The following ADAMTS10 variants were observed in gnomAD, a reference collection of about 807,000 sequenced individuals.
ADAMTS10 encodes the protein A disintegrin and metalloproteinase with thrombospondin motifs 10.
In ADAMTS10, 48 loss-of-function variants were observed where a neutral mutation model predicts 135.9. The observed-to-expected ratio is 0.35, with a 90% confidence interval of 0.28 to 0.45. The LOEUF (loss-of-function observed/expected upper bound fraction) is 0.45, where lower values mean the gene tolerates loss of function less well. ADAMTS10 is among the 20% of genes least tolerant of loss of function. ADAMTS10 has a pLI of 1.00. For missense variants in ADAMTS10, 1,131 were observed against 1,565.2 expected, an observed-to-expected ratio of 0.72 and a Z score of 4.68; for synonymous variants, 621 against 647.5, an observed-to-expected ratio of 0.96 and a Z score of 0.62.
At chr19:8,593,538 C>T (rs2042568929) in intron 12 of ADAMTS10, 2 of 152,574 alleles carry the variant, frequency 1.3e-5, no homozygotes, top group Non-Finnish European at 2.9e-5. Flanking sequence ...TGGGACATGC[C>T]TCTCTTTCTC....
chr19:8,586,966 GC>G (rs1450150877), intron 18 of ADAMTS10, 70 bp from the exon 19 acceptor site: 7 of 1,508,682 alleles, frequency 4.6e-6, no homozygotes, highest in Non-Finnish European at 5.5e-6. Context: ...CCTGTCCCCG[GC>G]CCATGAGGAT....
Position 8,601,157 on chromosome 19 carries a change from A to G in ADAMTS10, c.593-12T>C. ...CCACGGTTTCTCATCTGGGGAACCCAGTAGAGCAATTAAGCCCTGCCCTGC... is the reference window on the plus strand; with the variant it reads ...CCACGGTTTCTCATCTGGGGAACCCGGTAGAGCAATTAAGCCCTGCCCTGC... On this transcript the variant is annotated splice_polypyrimidine_tract_variant and intron_variant, in intron 5 of 25. Coordinates refer to ENST00000597188, the MANE Select transcript of ADAMTS10 (RefSeq NM_030957.4). This position sits in a 1 kb window ranked among gnomAD's most constrained non-coding sequence, Gnocchi z 4.6. 6.2e-7 allele frequency: 1 copy of G among 1,612,180 alleles called. No homozygotes were observed. Among genetic ancestry groups the G allele is most frequent in the South Asian group, 1.1e-5 (1 of 91,012 alleles).
intron 18 of ADAMTS10, 73 bp downstream of exon 18, chr19:8,589,169 G>A (rs1555738039): frequency 2.5e-6 from 4 of 1,603,920 alleles, no homozygotes; most frequent in Non-Finnish European, 3.4e-6. Context: ...CTCAGCTACT[G>A]CACTGGGATC....
intron 25 of ADAMTS10, among the ~76,000 whole-genome samples, chr19:8,583,303 G>A (rs2042378250): frequency 6.6e-6 from 1 of 152,056 alleles, no homozygotes; most frequent in Non-Finnish European, 1.5e-5. Context: ...CACTTTGGGA[G>A]GCCAAGGCGG....
chr19:8,600,652 C>T (rs571025942), intron 6 of ADAMTS10, among the ~76,000 whole-genome samples: 3 of 151,974 alleles, frequency 2.0e-5, no homozygotes, highest in South Asian at 2.1e-4. Context: ...GCGCCCGCCA[C>T]CACACTCGGC....
rs782168202 is a variant in ADAMTS10, at chr19:8,596,457, GGTGCTGGCTGGCCCCA to G, written c.1085-61_1085-46del. The G allele has an allele frequency of 2.5e-4, 396 of 1,612,560 alleles. 7 individuals are homozygous for G. The East Asian group carries it at 8.8e-3, about 36-fold the overall frequency. ...GGGATGGGGCTGGGAGGCTCAGGAC[GGTGCTGGCTGGCCCCA>G]TCCACCTGCCAGGTCTCACCCCAGC... On this transcript the variant is annotated intron_variant, in intron 9 of 25. Transcript: ENST00000597188. The surrounding 1 kb of genome is among the most constrained non-coding windows in gnomAD (Gnocchi z 7.2).
At position 8,596,605 on chromosome 19, in the gene ADAMTS10, C is replaced by T. The variant is rs1409749471; in HGVS notation, c.1041-20G>A. Reference sequence around the variant, plus strand: ...TCATAGCTGTAAAAGGAGACAGGGTCAGTGAGGGGGCTGGGCTGTCTCCCT... The same window carrying T: ...TCATAGCTGTAAAAGGAGACAGGGTTAGTGAGGGGGCTGGGCTGTCTCCCT... On this transcript the variant is annotated intron_variant, in intron 8 of 25. Transcript: ENST00000597188. This position sits in a 1 kb window ranked among gnomAD's most constrained non-coding sequence, Gnocchi z 7.2. 15 of 1,611,932 alleles carry T rather than the reference C, an allele frequency of 9.3e-6. No homozygotes were observed. The highest frequency in any genetic ancestry group is 1.3e-5 in the Non-Finnish European group (15 of 1,179,672).
intron 1 of ADAMTS10, among the ~76,000 whole-genome samples, chr19:8,609,869 C>G (rs1384242646): frequency 6.6e-6 from 1 of 151,992 alleles, no homozygotes; most frequent in African/African-American, 2.4e-5. Context: ...ACGCCTCCAC[C>G]GCAGACACAC....
At position 8,591,939 on chromosome 19, in the gene ADAMTS10, G is replaced by A. The variant is rs782190968; in HGVS notation, c.1733+19C>T. On this transcript the variant is annotated intron_variant, in intron 14 of 25. Coordinates refer to ENST00000597188, the MANE Select transcript of ADAMTS10 (RefSeq NM_030957.4). Reference sequence around the variant, plus strand: ...CAGGGGTCGCGCTGCCCTCCCGGGTGGGGGTCCTGAGGGCTGACCTGGGGC... The same window carrying A: ...CAGGGGTCGCGCTGCCCTCCCGGGTAGGGGTCCTGAGGGCTGACCTGGGGC... 1 of 1,611,984 alleles carries A rather than the reference G, an allele frequency of 6.2e-7. No homozygotes were observed. The highest frequency in any genetic ancestry group is 8.5e-7 in the Non-Finnish European group (1 of 1,179,592).
At chr19:8,591,640 CTA>C (rs1298531667) in intron 15 of ADAMTS10, among the ~76,000 whole-genome samples, 158 bp downstream of exon 15, 2 of 152,090 alleles carry the variant, frequency 1.3e-5, no homozygotes, top group Non-Finnish European at 2.9e-5. Context: ...CGGGGTTTCA[CTA>C]TGTTAGCCAG....
At chr19:8,590,489 G>A (rs908419503) in intron 15 of ADAMTS10, among the ~76,000 whole-genome samples, 12 of 151,476 alleles carry the variant, frequency 7.9e-5, no homozygotes, top group African/African-American at 2.2e-4. Flanking sequence ...ACAGAGTTTC[G>A]CTCTCGTTGC....
rs1555742357 is a variant in ADAMTS10, at chr19:8,605,317, G to A, written c.130C>T (p.Pro44Ser). 6.2e-7 allele frequency: 1 copy of A among 1,610,182 alleles called. No individual in the cohort carries two copies. ...SSLESYEIAF[P>S]TRVDHNGALL... is the part of the protein sequence containing the mutation. ...GCCCCGTTGTGGTCCACGCGGGTGG[G>A]GAAGGCGATCTCATAGCTCTCCAGA... Residue 44 changes from proline to serine, a missense_variant, in exon 4 of 26, where the codon CCC becomes TCC. This residue lies in a region of ADAMTS10 where 306 missense variants were observed against 344.4 expected (regional missense o/e 0.89). Transcript: ENST00000597188. This position sits in a 1 kb window ranked among gnomAD's most constrained non-coding sequence, Gnocchi z 7.7.
rs2042498545 is a variant in ADAMTS10 at position 8,589,874 on chromosome 19, G to A, written c.1900+15C>T. ...GCCCTTCACGGCCCCACAGCCTTTG[G>A]AGTCCCACACTCACCTCCCCGGTAC... On this transcript the variant is annotated intron_variant, in intron 16 of 25. Transcript: ENST00000597188. 1 of 1,609,600 alleles carries A rather than the reference G, an allele frequency of 6.2e-7. No homozygotes were observed. Among genetic ancestry groups the A allele is most frequent in the East Asian group, 2.2e-5 (1 of 44,870 alleles).
At chr19:8,604,010 T>TC in intron 4 of ADAMTS10, 126 bp from the exon 5 acceptor site, 1 of 1,068,718 alleles carries the variant, frequency 9.4e-7, no homozygotes, top group Non-Finnish European at 1.3e-6. Context: ...TCTTTTTTTT[T>TC]TTTTGGCATA....
Position 8,600,720 on chromosome 19 carries a change from C to G in ADAMTS10, c.810+208G>C, listed in dbSNP as rs7246634. ...TCACCGTGTTAGCCAGGATGGTCTC[C>G]ATCTCCTGACCTTGTGATCTGCCCG... is the stretch of plus-strand genomic sequence containing the variant. On this transcript the variant is annotated intron_variant, in intron 6 of 25. Coordinates refer to ENST00000597188, the MANE Select transcript of ADAMTS10 (RefSeq NM_030957.4). Among the ~76,000 whole-genome samples, 28,655 of 151,756 alleles carry G rather than the reference C, an allele frequency of 0.19. 3,327 individuals carry two copies. Among genetic ancestry groups the G allele is most frequent in the African/African-American group, 0.33 (13,834 of 41,374 alleles).
intron 12 of ADAMTS10, among the ~76,000 whole-genome samples, chr19:8,595,202 G>T (rs1158070197): frequency 6.6e-6 from 1 of 152,030 alleles, no homozygotes; most frequent in Admixed American, 6.6e-5. Context: ...CAGCTTCCTG[G>T]GGGGAGCTGG....
chr19:8,580,847 G>T lies in ADAMTS10; in HGVS notation c.*46C>A. 6.7e-7 allele frequency: 1 copy of T among 1,490,210 alleles called. No individual in the cohort carries two copies. The allele number at this position is 1,490,210 out of a possible 1,614,324, so 92.3% of individuals were successfully genotyped here. A position where few individuals can be genotyped will look rare whatever the true frequency, so the allele number is the denominator to read the frequency against. On this transcript the variant is annotated 3_prime_UTR_variant, in exon 26 of 26. Transcript: ENST00000597188. ...CCTCTGGCCGGCCCGCTGCAGGGCT[G>T]GCGGCGGAGACCCCGCCAGCTGTGG...
intron 5 of ADAMTS10, among the ~76,000 whole-genome samples, chr19:8,602,608 A>C (rs1387029234): frequency 6.6e-6 from 1 of 152,006 alleles, no homozygotes; most frequent in Non-Finnish European, 1.5e-5. Flanking sequence ...GGCGTGAGAC[A>C]CTGTGCCTGA....
chr19:8,583,548 GA>G (rs1202101682), intron 25 of ADAMTS10, among the ~76,000 whole-genome samples: 32 of 128,608 alleles, frequency 2.5e-4, no homozygotes, highest in Admixed American at 5.7e-4. Context: ...CTCAAAACAA[GA>G]AAAAAAAAAA....
Sources: gnomAD v4.1 joint callset for allele counts (sites outside exome capture counted in the v4.1 genomes callset) on GRCh38, gnomAD v4.1.1 for gene constraint, gnomAD v4.1.1 regional missense constraint, Gnocchi (gnomAD v3.1) non-coding constraint, MANE v1.5 for transcripts, NCBI Gene and HGNC (gene_info 2026-07-23, HGNC 2026-07-21) for gene names.